TACC1: variants seen among roughly 807,000 people sequenced by gnomAD.
The protein encoded by TACC1 is transforming acidic coiled-coil-containing protein 1.
In TACC1, 48 loss-of-function variants were observed where a neutral mutation model predicts 84.4. That is an observed-to-expected ratio of 0.57 (90% CI 0.45 to 0.72). TACC1 has a LOEUF of 0.72. Ranked by LOEUF, TACC1 falls within the 30% of genes least tolerant of loss-of-function variation. TACC1 has a pLI of 0.00. For missense variants in TACC1, 920 were observed against 973.0 expected (o/e 0.95, Z 0.72); for synonymous variants, 372 against 376.3 (o/e 0.99, Z 0.13).
Position 38,852,841 on chromosome 8 carries a change from G to C in TACC1, c.*4818G>C, listed in dbSNP as rs1012238050. 5 of 152,594 alleles carry C rather than the reference G, an allele frequency of 3.3e-5. No individual in the cohort carries two copies. Among genetic ancestry groups the C allele is most frequent in the Non-Finnish European group, 7.3e-5 (5 of 68,044 alleles). The allele number at this position is 152,594 out of a possible 1,614,324, so 9.5% of individuals were successfully genotyped here. ...CCTCATCTGGAGGGATGAGTGCTGC[G>C]TTGACTACTGCTATCAGGATTGTGT... is the stretch of plus-strand genomic sequence containing the variant. On this transcript the variant is annotated 3_prime_UTR_variant, in exon 13 of 13. Coordinates refer to ENST00000317827, the MANE Select transcript of TACC1 (RefSeq NM_006283.3).
At chr8:38,733,089 T>C (rs1349805215) in intron 1 of TACC1, among the ~76,000 whole-genome samples, 1 of 152,160 alleles carries the variant, frequency 6.6e-6, no homozygotes, top group Non-Finnish European at 1.5e-5. Flanking sequence ...GTAGGTAAAA[T>C]CGTGAAGCAA....
rs555650445 is a variant in TACC1 at position 38,848,530 on chromosome 8, C to T, written c.*507C>T. 6.5e-6 allele frequency: 1 copy of T among 152,972 alleles called. No individual in the cohort carries two copies. Among genetic ancestry groups the T allele is most frequent in the East Asian group, 1.9e-4 (1 of 5,192 alleles). The allele number at this position is 152,972 out of a possible 1,614,324, so 9.5% of individuals were successfully genotyped here. ...TGGATCCCCTTTTAAATTACACACA[C>T]TCTCACACACATACATGTATGTTTA... is the stretch of plus-strand genomic sequence containing the variant. On this transcript the variant is annotated 3_prime_UTR_variant, in exon 13 of 13. Transcript: ENST00000317827.
At position 38,820,450 on chromosome 8, in the gene TACC1, T is replaced by C; in HGVS notation, c.1206T>C (p.Val402=). 1 of 1,614,202 alleles carries C rather than the reference T, an allele frequency of 6.2e-7. No homozygotes were observed. Among genetic ancestry groups the C allele is most frequent in the East Asian group, 2.2e-5 (1 of 44,886 alleles). The part of the protein sequence containing the change: ...PSFNPFGSHS[V]LQNSPPLSSE... ...TCAACCCCTTTGGGAGCCACTCTGT[T>C]CTGCAGAACTCCCCACCCCTCTCTT... The change falls in exon 3 of 13, where the codon GTT becomes GTC. Residue 402 remains valine, a synonymous_variant. Coordinates refer to ENST00000317827, the MANE Select transcript of TACC1 (RefSeq NM_006283.3).
Position 38,820,261 on chromosome 8 carries a change from G to T in TACC1, c.1017G>T (p.Arg339Ser). Residue 339 changes from arginine (R) to serine (S), a missense_variant, in exon 3 of 13, where the codon AGG becomes AGT. Arg to Ser is a moderately radical substitution (Grantham distance 110). This residue lies in a region of TACC1 where 762 missense variants were observed against 747.3 expected (regional missense o/e 1.02). Transcript: ENST00000317827. Reference protein sequence around the residue: ...GNIEARKALPRKLGRKLGSTL... With the variant: ...GNIEARKALPSKLGRKLGSTL... The stretch of plus-strand genomic sequence containing the variant: ...TAGAGGCCAGGAAAGCCCTTCCAAG[G>T]AAGCTTGGCAGGAAACTGGGTAGCA... 6.2e-7 allele frequency: 1 copy of T among 1,614,122 alleles called. No individual in the cohort carries two copies. The highest frequency in any genetic ancestry group is 8.5e-7 in the Non-Finnish European group (1 of 1,180,020).
chr8:38,749,649 T>C (rs908723603), intron 3 of TACC1, among the ~76,000 whole-genome samples: 1 of 152,152 alleles, frequency 6.6e-6, no homozygotes, highest in Non-Finnish European at 1.5e-5. Flanking sequence ...TGGAGTGCAG[T>C]GGTGTGATCT....
At chr8:38,825,464 A>G (rs1827839061) in intron 4 of TACC1, 96 bp downstream of exon 4, 13 of 1,307,344 alleles carry the variant, frequency 9.9e-6, no homozygotes, top group African/African-American at 7.3e-5. Context: ...GGACTTTCCA[A>G]TGGGTACCTG....
At chr8:38,782,127 G>A (rs1280980450) in intron 3 of TACC1, among the ~76,000 whole-genome samples, 2 of 151,404 alleles carry the variant, frequency 1.3e-5, no homozygotes, top group Non-Finnish European at 1.5e-5. Flanking sequence ...CCACTAACTC[G>A]TCATCTAGCA....
intron 2 of TACC1, among the ~76,000 whole-genome samples, chr8:38,815,203 G>C (rs909612968): frequency 5.3e-5 from 8 of 152,152 alleles, no homozygotes. Flanking sequence ...CTTAGAGTGG[G>C]ATCATCTGTG....
At position 38,769,127 on chromosome 8, in the gene TACC1, G is replaced by A. The variant is rs1414900605; in HGVS notation, c.27-19577G>A. 2.0e-5 allele frequency among the ~76,000 whole-genome samples: 3 copies of A among 150,034 alleles called. No homozygotes were observed. The East Asian group carries it at 6.0e-4, about 30-fold the overall frequency. On this transcript the variant is annotated intron_variant, in intron 3 of 14. Coordinates refer to the TACC1 transcript ENST00000518415. Reference sequence around the variant, plus strand: ...TGAGAGACTGTATGGGTGGGGGTGTGTGTGGTATATGTGTGACTAGGTGTG... The same window carrying A: ...TGAGAGACTGTATGGGTGGGGGTGTATGTGGTATATGTGTGACTAGGTGTG...
At chr8:38,788,050 T>G (rs1236352039) in intron 1 of TACC1, 1 of 392,870 alleles carries the variant, frequency 2.5e-6, no homozygotes, top group Admixed American at 4.9e-5. Flanking sequence ...CCCTCCACAC[T>G]GGAGCAACGT....
At chr8:38,826,343 C>T (rs1001282000) in intron 4 of TACC1, among the ~76,000 whole-genome samples, 5 of 152,004 alleles carry the variant, frequency 3.3e-5, no homozygotes, top group Admixed American at 3.3e-4. Flanking sequence ...AAACAAAAAC[C>T]CAAAACCCAT....
intron 3 of TACC1, among the ~76,000 whole-genome samples, chr8:38,749,915 C>T (rs1015731725): frequency 3.9e-5 from 6 of 152,074 alleles, no homozygotes. Flanking sequence ...TAACAGCTGA[C>T]AGTTAATCAA....
At chr8:38,752,084 T>C (rs1323354520) in intron 3 of TACC1, among the ~76,000 whole-genome samples, 1 of 152,208 alleles carries the variant, frequency 6.6e-6, no homozygotes, top group African/African-American at 2.4e-5. Flanking sequence ...GGGGTAGCGT[T>C]TGACACTGAA....
intron 7 of TACC1, among the ~76,000 whole-genome samples, chr8:38,837,698 A>G (rs1464888510): frequency 2.0e-5 from 3 of 152,258 alleles, no homozygotes; most frequent in African/African-American, 7.2e-5. Context: ...CCTGAAGCAC[A>G]CAGGATACAT....
Position 38,787,671 on chromosome 8 carries a change from A to G in TACC1, c.89A>G (p.Asp30Gly), listed in dbSNP as rs753659889. Reference protein sequence around the residue: ...SAVRGGAAGEDEAGGPEGDPE... With the variant: ...SAVRGGAAGEGEAGGPEGDPE... ...GTACGCGGCGGGGCCGCCGGCGAGG[A>G]CGAGGCTGGCGGGCCCGAGGGCGAC... The change falls in exon 1 of 13, where the codon GAC becomes GGC. Residue 30 changes from aspartate (D) to glycine (G), a missense_variant. Asp to Gly is a moderately conservative substitution (Grantham distance 94, BLOSUM62 -1). Transcript: ENST00000317827. The G allele has an allele frequency of 6.4e-7, 1 of 1,550,832 alleles. No homozygotes were observed. Among genetic ancestry groups the G allele is most frequent in the Admixed American group, 2.1e-5 (1 of 48,600 alleles).
intron 2 of TACC1, among the ~76,000 whole-genome samples, chr8:38,801,954 C>T (rs1821468361): frequency 6.6e-6 from 1 of 152,174 alleles, no homozygotes; most frequent in African/African-American, 2.4e-5. Flanking sequence ...TGCTGTGTCA[C>T]CCAAGCTGGA....
At chr8:38,755,740 CAACAACAACAACA>C (rs1386340868) in intron 3 of TACC1, among the ~76,000 whole-genome samples, 126 of 93,724 alleles carry the variant, frequency 1.3e-3, no homozygotes, top group African/African-American at 2.4e-3. Context: ...ACAACAACAA[CAACAACAACAACA>C]GAGTGTTCCT....
intron 3 of TACC1, among the ~76,000 whole-genome samples, chr8:38,752,751 A>C (rs1809277589): frequency 6.6e-6 from 1 of 152,066 alleles, no homozygotes; most frequent in African/African-American, 2.4e-5. Flanking sequence ...GGCAGGCATA[A>C]ATTACAGGGC....
At chr8:38,786,459 T>C (rs1193394857), upstream of TACC1, among the ~76,000 whole-genome samples, 1 of 152,194 alleles carries the variant, frequency 6.6e-6, no homozygotes, top group Admixed American at 6.5e-5. Flanking sequence ...CCTAGCATTT[T>C]GGGAGGCAGA....
Sources: allele counts gnomAD v4.1 joint callset (sites outside exome capture counted in the v4.1 genomes callset), GRCh38; gene constraint gnomAD v4.1.1; regional missense constraint gnomAD v4.1.1; transcripts MANE v1.5; gene names NCBI Gene and HGNC (gene_info 2026-07-23, HGNC 2026-07-21).